Variants in EFHC1 observed in about 807,000 individuals in gnomAD.
The protein encoded by EFHC1 is EF-hand domain containing 1.
A neutral mutation model predicts 69.9 loss-of-function variants in EFHC1; 53 were observed. The ratio of observed to expected loss-of-function variants is 0.76; its 90% confidence interval spans 0.61 to 0.95. The LOEUF (loss-of-function observed/expected upper bound fraction) is 0.95. Ranked by LOEUF, EFHC1 falls within the 40% of genes least tolerant of loss-of-function variation. The pLI, the probability that EFHC1 is intolerant of heterozygous loss-of-function variation, is 0.00. For missense variants in EFHC1, 739 were observed against 798.7 expected, an observed-to-expected ratio of 0.93 and a Z score of 0.90; for synonymous variants, 256 against 278.4, an observed-to-expected ratio of 0.92 and a Z score of 0.80.
chr6:52,481,643 C>G (rs1765678854), intron 9 of EFHC1: 1 of 152,112 alleles, frequency 6.6e-6, no homozygotes, highest in Non-Finnish European at 1.5e-5. Context: ...GTTCAGCTTC[C>G]CAAGTAGCTG....
intron 5 of EFHC1, among the ~76,000 whole-genome samples, chr6:52,456,420 A>G (rs1291519049): frequency 1.3e-5 from 2 of 152,210 alleles, no homozygotes; most frequent in Non-Finnish European, 2.9e-5. Context: ...GGATAGGAAT[A>G]TATTCAGGGT....
rs548280567 is a variant in EFHC1 at position 52,449,329 on chromosome 6, C to T, written c.574-3359C>T. Among the ~76,000 whole-genome samples, 25 of 149,758 alleles carry T rather than the reference C, an allele frequency of 1.7e-4. 1 individual carries two copies. The highest frequency in any genetic ancestry group is 1.5e-3 in the South Asian group (7 of 4,764). On this transcript the variant is annotated intron_variant, in intron 3 of 10. Transcript: ENST00000371068. Reference sequence around the variant, plus strand: ...CCAGGAGACAGAGCTTGCAATGAGCCGAGATTGTGCCACTGCACTCCAGTC... The same window carrying T: ...CCAGGAGACAGAGCTTGCAATGAGCTGAGATTGTGCCACTGCACTCCAGTC...
intron 7 of EFHC1, among the ~76,000 whole-genome samples, chr6:52,475,334 C>G (rs1406736874): frequency 6.6e-6 from 1 of 152,112 alleles, no homozygotes; most frequent in East Asian, 1.9e-4. Context: ...TAGAAATGAT[C>G]AGAGACAAAT....
At chr6:52,480,153 G>A (rs1191760045) in intron 9 of EFHC1, 5 of 464,118 alleles carry the variant, frequency 1.1e-5, no homozygotes, top group Non-Finnish European at 1.2e-5. Context: ...TTTCTGTCAT[G>A]TGTATTGCAT....
rs375254791 is a variant in EFHC1 at position 52,454,960 on chromosome 6, C to T, written c.916+673C>T. ...TACAAAAATTAGCCATGCTTGGTGC[C>T]GCACACCTGTATTCCCAGCTACTTG... On this transcript the variant is annotated intron_variant, in intron 5 of 10. Coordinates refer to ENST00000371068, the MANE Select transcript of EFHC1 (RefSeq NM_018100.4). Among the ~76,000 whole-genome samples, 118 of 152,070 alleles carry T rather than the reference C, an allele frequency of 7.8e-4. 1 individual carries two copies. Among genetic ancestry groups the T allele is most frequent in the African/African-American group, 2.6e-3 (106 of 41,510 alleles).
chr6:52,460,256 G>A (rs78371830), intron 5 of EFHC1, among the ~76,000 whole-genome samples: 4,871 of 152,278 alleles, frequency 0.032, 115 homozygotes, highest in Non-Finnish European at 0.048. Flanking sequence ...AAGTAACTAT[G>A]CTAAGAGAAT....
At chr6:52,443,872 C>T (rs1764721688) in intron 3 of EFHC1, among the ~76,000 whole-genome samples, 1 of 152,146 alleles carries the variant, frequency 6.6e-6, no homozygotes, top group Admixed American at 6.5e-5. Flanking sequence ...TATAAATTAC[C>T]TTGTGCAGTA....
intron 9 of EFHC1, chr6:52,484,104 A>G (rs575389525): frequency 6.6e-6 from 1 of 152,326 alleles, no homozygotes; most frequent in South Asian, 2.1e-4. Context: ...ATAGAGAGGA[A>G]AACATTGATA....
intron 3 of EFHC1, among the ~76,000 whole-genome samples, chr6:52,443,189 C>T (rs1764703787): frequency 1.3e-5 from 2 of 152,014 alleles, no homozygotes; most frequent in East Asian, 1.9e-4. Context: ...GGATATTAGC[C>T]CTTTGTCAGA....
rs147644182 is a variant in EFHC1 at position 52,442,757 on chromosome 6, T to C, written c.573+4166T>C. Among the ~76,000 whole-genome samples the C allele has an allele frequency of 5.6e-3, 848 of 152,252 alleles. 8 individuals carry two copies. The highest frequency in any genetic ancestry group is 0.019 in the African/African-American group (797 of 41,560). On this transcript the variant is annotated intron_variant, in intron 3 of 10. Coordinates refer to ENST00000371068, the MANE Select transcript of EFHC1 (RefSeq NM_018100.4). ...TGTGAATAGTGCCGCAATAAACATA[T>C]GTGTGCATGTGACTTTATAGCAGCA...
At chr6:52,435,887 G>A (rs113414404) in intron 2 of EFHC1, among the ~76,000 whole-genome samples, 1 of 152,192 alleles carries the variant, frequency 6.6e-6, no homozygotes, top group Non-Finnish European at 1.5e-5. Flanking sequence ...AACCACGATA[G>A]CATTTGTTAC....
At chr6:52,475,922 A>T (rs573210329) in intron 7 of EFHC1, among the ~76,000 whole-genome samples, 83 of 152,316 alleles carry the variant, frequency 5.4e-4, no homozygotes, top group African/African-American at 1.9e-3. Context: ...ACAGAGAATG[A>T]TGGGGAAGGG....
intron 9 of EFHC1, chr6:52,483,111 A>G (rs1185680833): frequency 2.8e-6 from 1 of 361,196 alleles, no homozygotes; most frequent in Non-Finnish European, 4.9e-6. Flanking sequence ...ACTGATTGTG[A>G]TATGCATCTG....
In EFHC1 at chr6:52,493,365, CAT is replaced by C. The variant is rs59794069; in HGVS notation, c.*1043_*1044del. 0.015 allele frequency: 2,547 copies of C among 166,292 alleles called. 29 individuals are homozygous for C. The highest frequency in any genetic ancestry group is 0.028 in the Middle Eastern group (15 of 542). The allele number at this position is 166,292 out of a possible 1,614,324, so 10.3% of individuals were successfully genotyped here. A position where few individuals can be genotyped will look rare whatever the true frequency, so the allele number is the denominator to read the frequency against. On this transcript the variant is annotated 3_prime_UTR_variant, in exon 11 of 11. Transcript: ENST00000371068. Reference sequence around the variant, plus strand: ...ATAACTCTCTCTTTCTCTCTCTCTACATATATATATATATATATATTTTATAT... The same window carrying C: ...ATAACTCTCTCTTTCTCTCTCTCTACATATATATATATATATATTTTATAT...
intron 6 of EFHC1, among the ~76,000 whole-genome samples, chr6:52,466,358 G>A (rs978088591): frequency 6.6e-6 from 1 of 152,094 alleles, no homozygotes; most frequent in African/African-American, 2.4e-5. Flanking sequence ...TTTACTCCCA[G>A]GAACTTTTGC....
intron 1 of EFHC1, chr6:52,423,657 A>ATT (rs59383268): frequency 0.031 from 8,246 of 263,098 alleles, 390 homozygotes; most frequent in Admixed American, 0.044. Context: ...CACCCAGCTA[A>ATT]TTTTTTTTTT....
intron 9 of EFHC1, chr6:52,484,263 T>C (rs922354575): frequency 1.3e-5 from 2 of 152,196 alleles, no homozygotes; most frequent in African/African-American, 4.8e-5. Flanking sequence ...CTTTATACCC[T>C]TAAAAATTAT....
chr6:52,482,342 C>CA (rs200374106), intron 9 of EFHC1: 17,368 of 134,556 alleles, frequency 0.13, 1,387 homozygotes, highest in East Asian at 0.46. Context: ...GTCTCCGTCT[C>CA]AAAAAAAAAA....
intron 3 of EFHC1, among the ~76,000 whole-genome samples, chr6:52,445,349 G>A (rs1419578458): frequency 1.3e-5 from 2 of 150,642 alleles, no homozygotes; most frequent in Admixed American, 1.3e-4. Flanking sequence ...TGCACATTGT[G>A]CAGGTTAGTT....
Sources: gnomAD v4.1 joint callset for allele counts (sites outside exome capture counted in the v4.1 genomes callset) on GRCh38, gnomAD v4.1.1 for gene constraint, MANE v1.5 for transcripts, NCBI Gene and HGNC (gene_info 2026-07-23, HGNC 2026-07-21) for gene names.